The following CSRP3 variants were observed in gnomAD, a reference collection of about 807,000 sequenced individuals.
The protein encoded by CSRP3 is cysteine and glycine-rich protein 3.
Under a neutral mutation model 24.3 loss-of-function variants are expected in CSRP3, and 24 were observed. The ratio of observed to expected loss-of-function variants is 0.99; its 90% CI spans 0.71 to 1.39. The LOEUF (loss-of-function observed/expected upper bound fraction) is 1.39, where lower values mean the gene tolerates loss of function less well. Ranked by LOEUF, CSRP3 falls within the 40% of genes most tolerant of loss-of-function variation. CSRP3 has a pLI of 0.00. For missense variants in CSRP3, 240 were observed against 249.0 expected, an observed-to-expected ratio of 0.96 and a Z score of 0.24; for synonymous variants, 105 against 94.0, an observed-to-expected ratio of 1.12 and a Z score of -0.68.
intron 1 of CSRP3, among the ~76,000 whole-genome samples, chr11:19,196,004 C>G (rs1257662877): frequency 6.6e-6 from 1 of 152,168 alleles, no homozygotes; most frequent in Non-Finnish European, 1.5e-5. Context: ...CATGGTGGCT[C>G]ACGCCTGTAA....
In CSRP3 at chr11:19,192,349, A is replaced by G. The variant is rs1468073066; in HGVS notation, c.100T>C (p.Cys34Arg). 6.2e-7 allele frequency: 1 copy of G among 1,613,882 alleles called. No individual in the cohort carries two copies. The highest frequency in any genetic ancestry group is 8.5e-7 in the Non-Finnish European group (1 of 1,179,824). Residue 34 changes from cysteine (C) to arginine (R), a missense_variant, in exon 2 of 6, where the codon TGT becomes CGT. Coordinates refer to ENST00000265968, the MANE Select transcript of CSRP3 (RefSeq NM_003476.5). ...QCNGRSFHKT[C>R]FHCMACRKAL... ...CCACCCAACTCACTGCAGTGGAAACACGTCTTGTGGAAACTCCTTCCATTG... is the reference window on the plus strand; with the variant it reads ...CCACCCAACTCACTGCAGTGGAAACGCGTCTTGTGGAAACTCCTTCCATTG...
chr11:19,188,261 A>G lies in CSRP3; in HGVS notation c.156T>C (p.His52=). 1 of 1,612,886 alleles carries G rather than the reference A, an allele frequency of 6.2e-7. No individual in the cohort carries two copies. Among genetic ancestry groups the G allele is most frequent in the African/African-American group, 1.3e-5 (1 of 74,972 alleles). ...ACACCTTGCAGTAGATCTCCGACTC[A>G]TGAGCCGCGACTGTCGTGCTGTCAA... ...KALDSTTVAA[H]ESEIYCKVCY... is the part of the protein sequence containing the mutation. Residue 52 remains histidine, a synonymous_variant, in exon 3 of 6, where the codon CAT becomes CAC. Coordinates refer to ENST00000265968, the MANE Select transcript of CSRP3 (RefSeq NM_003476.5).
chr11:19,189,401 C>T (rs563078735), intron 2 of CSRP3, among the ~76,000 whole-genome samples: 2 of 152,266 alleles, frequency 1.3e-5, no homozygotes, highest in African/African-American at 4.8e-5. Context: ...CATTGCTTTG[C>T]AACAATGATT....
At chr11:19,190,351 T>C (rs1019541522) in intron 2 of CSRP3, among the ~76,000 whole-genome samples, 28 of 152,234 alleles carry the variant, frequency 1.8e-4, no homozygotes, top group African/African-American at 6.8e-4. Context: ...CATGCTGTGC[T>C]GTAAGCACAA....
chr11:19,195,388 T>C (rs1590107428), intron 1 of CSRP3, among the ~76,000 whole-genome samples: 1 of 152,340 alleles, frequency 6.6e-6, no homozygotes. Context: ...CTTCTTTTTA[T>C]ACAATCCATT....
At chr11:19,198,049 T>C (rs879636803) in intron 1 of CSRP3, among the ~76,000 whole-genome samples, 2 of 152,222 alleles carry the variant, frequency 1.3e-5, no homozygotes, top group African/African-American at 4.8e-5. Context: ...ATGAATAGAT[T>C]GGAACTTACG....
At chr11:19,200,908 C>A (rs527851664) in intron 1 of CSRP3, among the ~76,000 whole-genome samples, 2 of 152,176 alleles carry the variant, frequency 1.3e-5, no homozygotes, top group African/African-American at 4.8e-5. Flanking sequence ...CCAGCCCTGA[C>A]ATAGGAGATG....
chr11:19,196,062 A>G (rs931405348), intron 1 of CSRP3, among the ~76,000 whole-genome samples: 2 of 152,176 alleles, frequency 1.3e-5, no homozygotes, highest in African/African-American at 4.8e-5. Context: ...CAAGAGATCA[A>G]GAACATCCTG....
chr11:19,183,099 A>G (rs1850464432), intron 5 of CSRP3, among the ~76,000 whole-genome samples: 1 of 152,178 alleles, frequency 6.6e-6, no homozygotes. Context: ...CTGAAGTTGC[A>G]GTGAGCCAAG....
chr11:19,191,412 G>C (rs1263774298), intron 2 of CSRP3, among the ~76,000 whole-genome samples: 1 of 152,114 alleles, frequency 6.6e-6, no homozygotes, highest in Non-Finnish European at 1.5e-5. Context: ...GTCGGGGAGG[G>C]GGCTCGCCAA....
intron 1 of CSRP3, among the ~76,000 whole-genome samples, chr11:19,197,501 C>CTCTTTTCCTCTTTCGTTCTTTCCT (rs1850748214): frequency 3.0e-5 from 2 of 67,068 alleles, no homozygotes; most frequent in African/African-American, 5.5e-5. Context: ...CCCTCTTTTC[C>CTCTTTTCCTCTTTCGTTCTTTCCT]TCTTTCTTTC....
chr11:19,197,963 A>T (rs1368437642), intron 1 of CSRP3, among the ~76,000 whole-genome samples: 5 of 152,134 alleles, frequency 3.3e-5, no homozygotes, highest in Non-Finnish European at 5.9e-5. Context: ...CTATTATAAC[A>T]TTTACTTTAC....
chr11:19,189,604 T>A (rs1850584693), intron 2 of CSRP3, among the ~76,000 whole-genome samples: 1 of 152,190 alleles, frequency 6.6e-6, no homozygotes, highest in East Asian at 1.9e-4. Context: ...TTATCTTTTT[T>A]AAAAGATAAA....
chr11:19,201,931 A>G (rs1850851352), intron 1 of CSRP3, 23 bp downstream of exon 1: 1 of 152,750 alleles, frequency 6.5e-6, no homozygotes, highest in East Asian at 1.9e-4. Flanking sequence ...CTCCAGCTCA[A>G]ATGTCTGCCT....
intron 1 of CSRP3, among the ~76,000 whole-genome samples, chr11:19,197,886 G>A (rs1850768551): frequency 6.6e-6 from 1 of 151,992 alleles, no homozygotes. Context: ...TATTATTGAA[G>A]TTAACATGCC....
rs369484665 is a variant in CSRP3, at chr11:19,197,193, A to G, written c.-28-4717T>C. On this transcript the variant is annotated intron_variant, in intron 1 of 5. Transcript: ENST00000265968. ...ACCCTATTAGTTCAAGTACTGTCAT[A>G]TCATTCTGTAAATTGTAGAGTAATA... Among the ~76,000 whole-genome samples, 5 of 152,270 alleles carry G rather than the reference A, an allele frequency of 3.3e-5. No individual in the cohort carries two copies. In the East Asian group the frequency reaches 9.6e-4, roughly 29 times the overall value.
At position 19,182,453 on chromosome 11, in the gene CSRP3, C is replaced by A. The variant is rs1850451365; in HGVS notation, c.*217G>T. The A allele has an allele frequency of 1.7e-6, 1 of 599,448 alleles. No individual in the cohort carries two copies. The highest frequency in any genetic ancestry group is 3.0e-6 in the Non-Finnish European group (1 of 335,056). The allele number at this position is 599,448 out of a possible 1,614,324, so 37.1% of individuals were successfully genotyped here. ...TATTTATTGCCTCTCCCATTCCAAG[C>A]ATTATAAATAATAAAGCATTTGTTA... is the stretch of plus-strand genomic sequence containing the variant. On this transcript the variant is annotated 3_prime_UTR_variant, in exon 6 of 6. Transcript: ENST00000265968.
At chr11:19,200,174 C>A (rs994790516) in intron 1 of CSRP3, among the ~76,000 whole-genome samples, 4 of 152,172 alleles carry the variant, frequency 2.6e-5, no homozygotes, top group African/African-American at 9.7e-5. Context: ...TTAAACTTTA[C>A]AAAAGTACTT....
chr11:19,186,220 C>A lies in CSRP3; in HGVS notation c.410G>T (p.Gly137Val). 6.2e-7 allele frequency: 1 copy of A among 1,614,160 alleles called. No homozygotes were observed. Among genetic ancestry groups the A allele is most frequent in the Non-Finnish European group, 8.5e-7 (1 of 1,180,022 alleles). ...VYAAEKVMGG[G>V]KPWHKTCFRC... ...GGCTCATACAGAAGGTCTTACCTTG[C>A]CACCTCCCATAACCTTCTCAGCAGC... The change falls in exon 4 of 6, where the codon GGC becomes GTC. Residue 137 changes from glycine (G) to valine (V), a missense_variant. Physicochemically the swap from Gly to Val is moderately radical, Grantham distance 109 (BLOSUM62 -3). Transcript: ENST00000265968.
Sources: allele counts gnomAD v4.1 joint callset (sites outside exome capture counted in the v4.1 genomes callset), GRCh38; gene constraint gnomAD v4.1.1; transcripts MANE v1.5; gene names NCBI Gene and HGNC (gene_info 2026-07-23, HGNC 2026-07-21).